The following RALYL variants were observed in gnomAD, a reference collection of about 807,000 sequenced individuals.
The protein encoded by RALYL is RALY RNA binding protein like.
Under a neutral mutation model 35.1 loss-of-function variants are expected in RALYL, and 29 were observed. The ratio of observed to expected loss-of-function variants is 0.83; its 90% confidence interval spans 0.61 to 1.13. The LOEUF (loss-of-function observed/expected upper bound fraction) is 1.13, where lower values mean the gene tolerates loss of function less well. RALYL is among the 50% of genes most tolerant of loss of function. RALYL has a pLI of 0.00. For synonymous variants in RALYL, 120 were observed against 127.6 expected (o/e 0.94, Z 0.40); for missense variants, 359 against 360.4 (o/e 1.00, Z 0.03).
chr8:84,641,927 G>A (rs1826433084), intron 2 of RALYL, among the ~76,000 whole-genome samples: 1 of 151,676 alleles, frequency 6.6e-6, no homozygotes, highest in Non-Finnish European at 1.5e-5. Context: ...AGACACAAAT[G>A]TATGCCCATG....
chr8:84,239,919 A>C (rs1270505958), intron 1 of RALYL, among the ~76,000 whole-genome samples: 2 of 152,100 alleles, frequency 1.3e-5, no homozygotes, highest in Non-Finnish European at 2.9e-5. Flanking sequence ...AAATAAAAAT[A>C]AAAATAAAAG....
At chr8:84,804,018 A>T (rs902647558) in intron 3 of RALYL, among the ~76,000 whole-genome samples, 4 of 152,218 alleles carry the variant, frequency 2.6e-5, no homozygotes, top group Admixed American at 2.0e-4. Flanking sequence ...TTATCTAGGA[A>T]CTATTTAGAA....
chr8:84,796,194 C>T (rs905423389), intron 3 of RALYL, among the ~76,000 whole-genome samples: 3 of 152,184 alleles, frequency 2.0e-5, no homozygotes, highest in Admixed American at 6.5e-5. Context: ...TGCTTCTTCC[C>T]ATGCTATGCT....
chr8:84,842,059 T>G (rs534670831), intron 4 of RALYL, among the ~76,000 whole-genome samples: 84 of 152,150 alleles, frequency 5.5e-4, no homozygotes, highest in African/African-American at 2.0e-3. Flanking sequence ...TTAAAAGAAC[T>G]AGAGAAGCAA....
intron 2 of RALYL, among the ~76,000 whole-genome samples, chr8:84,620,043 A>C (rs987104391): frequency 2.0e-5 from 3 of 151,794 alleles, no homozygotes; most frequent in Non-Finnish European, 2.9e-5. Context: ...CCTTCATTTC[A>C]ACTTTGGTGA....
chr8:84,559,786 G>A (rs1241976417), intron 2 of RALYL, among the ~76,000 whole-genome samples: 1 of 151,952 alleles, frequency 6.6e-6, no homozygotes, highest in Non-Finnish European at 1.5e-5. Context: ...CTGTGGTTGA[G>A]CATTTCATAT....
intron 6 of RALYL, among the ~76,000 whole-genome samples, chr8:84,867,741 C>A (rs973975004): frequency 6.6e-6 from 1 of 152,166 alleles, no homozygotes; most frequent in African/African-American, 2.4e-5. Context: ...AATCAGTTAT[C>A]ATCAAAACTA....
chr8:84,799,642 G>T (rs1051526300), intron 3 of RALYL, among the ~76,000 whole-genome samples: 1 of 152,184 alleles, frequency 6.6e-6, no homozygotes, highest in Non-Finnish European at 1.5e-5. Flanking sequence ...CCAAGTTAGG[G>T]AAAAACAAGG....
intron 7 of RALYL, among the ~76,000 whole-genome samples, chr8:84,875,937 C>T (rs1841047748): frequency 1.3e-5 from 2 of 152,026 alleles, no homozygotes; most frequent in South Asian, 2.1e-4. Context: ...AATTTTCCAG[C>T]AGAGAAATAA....
At chr8:84,911,909 G>T (rs1400155940) in intron 8 of RALYL, among the ~76,000 whole-genome samples, 1 of 152,100 alleles carries the variant, frequency 6.6e-6, no homozygotes, top group Admixed American at 6.6e-5. Context: ...AGGTCTGGAA[G>T]GGTTTTGAGC....
chr8:84,663,180 T>A (rs1831253939), intron 2 of RALYL, among the ~76,000 whole-genome samples: 1 of 152,228 alleles, frequency 6.6e-6, no homozygotes. Flanking sequence ...TTTTTATGGC[T>A]GCATACTATT....
chr8:84,715,080 A>G lies in RALYL; in HGVS notation c.257-59499A>G, dbSNP rs1842765051. Among the ~76,000 whole-genome samples the G allele has an allele frequency of 2.6e-5, 4 of 151,960 alleles. 1 individual carries two copies. In the South Asian group the frequency reaches 8.3e-4, roughly 31 times the overall value. On this transcript the variant is annotated intron_variant, in intron 2 of 8. Transcript: ENST00000521268. ...AAAGTATCTACCTTCAACTAAACTT[A>G]CAATGTTTATTATAAGCATTTGAAT...
At chr8:84,315,785 G>A (rs1241729773) in intron 1 of RALYL, among the ~76,000 whole-genome samples, 1 of 150,164 alleles carries the variant, frequency 6.7e-6, no homozygotes, top group African/African-American at 2.5e-5. Flanking sequence ...TTTAATTTGA[G>A]CAAGAAGTTG....
At chr8:84,365,735 C>A (rs1313731454) in intron 1 of RALYL, among the ~76,000 whole-genome samples, 1 of 152,086 alleles carries the variant, frequency 6.6e-6, no homozygotes, top group African/African-American at 2.4e-5. Flanking sequence ...CAACAGAAGG[C>A]AGTTATGGGT....
At chr8:84,310,535 C>T (rs929345222) in intron 1 of RALYL, among the ~76,000 whole-genome samples, 2 of 150,600 alleles carry the variant, frequency 1.3e-5, no homozygotes, top group Non-Finnish European at 3.0e-5. Flanking sequence ...GGGAAATGAA[C>T]GAAAGGGATT....
intron 3 of RALYL, among the ~76,000 whole-genome samples, chr8:84,792,601 G>A (rs117080658): frequency 3.3e-5 from 5 of 152,260 alleles, no homozygotes; most frequent in Middle Eastern, 3.4e-3. Context: ...TGGGCCCTTC[G>A]CTGGGGAACC....
chr8:84,398,306 T>C (rs1409046351), intron 1 of RALYL, among the ~76,000 whole-genome samples: 3 of 149,016 alleles, frequency 2.0e-5, no homozygotes, highest in Non-Finnish European at 4.4e-5. Flanking sequence ...AGGTAAAGTT[T>C]CTTTTTTTTT....
chr8:84,449,068 T>C (rs1205829416), intron 1 of RALYL, among the ~76,000 whole-genome samples: 40 of 149,828 alleles, frequency 2.7e-4, no homozygotes, highest in Admixed American at 2.7e-3. Flanking sequence ...TGTTAGCTGT[T>C]AGTTTTTTTG....
At chr8:84,224,661 CTT>C (rs11406770) in intron 1 of RALYL, among the ~76,000 whole-genome samples, 5 of 147,180 alleles carry the variant, frequency 3.4e-5, no homozygotes, top group Admixed American at 6.8e-5. Context: ...TTCATTATTA[CTT>C]TTTTTTTTTT....
Sources: allele counts gnomAD v4.1 joint callset (sites outside exome capture counted in the v4.1 genomes callset), GRCh38; gene constraint gnomAD v4.1.1; transcripts MANE v1.5; gene names NCBI Gene and HGNC (gene_info 2026-07-23, HGNC 2026-07-21).